The following IRAG2 variants were observed in gnomAD, a reference collection of about 807,000 sequenced individuals.
The protein encoded by IRAG2 is inositol 1,4,5-triphosphate receptor associated 2, also known as lymphoid restricted membrane protein.
Under a neutral mutation model 69.9 loss-of-function variants are expected in IRAG2, and 45 were observed. The ratio of observed to expected loss-of-function variants is 0.64; its 90% CI spans 0.51 to 0.83. The LOEUF is 0.83. Ranked by LOEUF, IRAG2 falls within the 40% of genes least tolerant of loss-of-function variation. The pLI is 0.00. For synonymous variants in IRAG2, 193 were observed against 202.4 expected (o/e 0.95, Z 0.40); for missense variants, 520 against 587.0 (o/e 0.89, Z 1.18).
intron 6 of IRAG2, among the ~76,000 whole-genome samples, chr12:25,020,586 C>A (rs1332099648): frequency 6.6e-6 from 1 of 152,186 alleles, no homozygotes; most frequent in Non-Finnish European, 1.5e-5. Flanking sequence ...TCCCCATAGT[C>A]TCCATTCCCC....
chr12:25,066,651 C>T (rs1252877055), intron 5 of IRAG2, 139 bp downstream of exon 5: 2 of 338,440 alleles, frequency 5.9e-6, no homozygotes, highest in Non-Finnish European at 1.1e-5. Flanking sequence ...TGAAAATTTA[C>T]AATTTCTTTC....
At chr12:25,010,905 C>G (rs572527021) in intron 2 of IRAG2, among the ~76,000 whole-genome samples, 4 of 152,208 alleles carry the variant, frequency 2.6e-5, no homozygotes, top group East Asian at 3.9e-4. Flanking sequence ...TCCTCCACCC[C>G]CTAAAAAGTA....
intron 3 of IRAG2, among the ~76,000 whole-genome samples, chr12:25,013,351 G>A (rs139244275): frequency 6.2e-4 from 95 of 152,204 alleles, no homozygotes; most frequent in African/African-American, 2.1e-3. Context: ...GGTGGCATGC[G>A]CCTGTAGTCC....
At chr12:25,034,742 C>T (rs997912989) in intron 13 of IRAG2, among the ~76,000 whole-genome samples, 1 of 152,212 alleles carries the variant, frequency 6.6e-6, no homozygotes, top group Non-Finnish European at 1.5e-5. Flanking sequence ...GCTGTGATGC[C>T]ACCTTGAAAG....
intron 8 of IRAG2, 48 bp downstream of exon 8, chr12:25,079,510 C>T (rs1565566204): frequency 1.3e-6 from 2 of 1,528,146 alleles, no homozygotes; most frequent in South Asian, 2.2e-5. Context: ...AGTATTACAG[C>T]TTTCAGCCTG....
rs1303346514 is a variant in IRAG2, at chr12:25,079,779, G to GT, written c.244+17dup. 6.6e-7 allele frequency: 1 copy of GT among 1,514,896 alleles called. No individual in the cohort carries two copies. The highest frequency in any genetic ancestry group is 2.3e-5 in the East Asian group (1 of 44,388). The allele number at this position is 1,514,896 out of a possible 1,614,324, so 93.8% of individuals were successfully genotyped here. ...GAGGCCCAAGGTAAAATGTTGACAG[G>GT]TGTAAGCATGATTTTAATTCTAAAA... is the stretch of plus-strand genomic sequence containing the variant. On this transcript the variant is annotated intron_variant, in intron 9 of 21. Coordinates refer to ENST00000556887, the MANE Select transcript of IRAG2 (RefSeq NM_001366544.2).
chr12:25,043,002 T>TA (rs61246525), intron 16 of IRAG2, among the ~76,000 whole-genome samples: 110,935 of 142,924 alleles, frequency 0.78, 44,285 homozygotes, highest in South Asian at 0.89. Context: ...TCTTTGAAAT[T>TA]AAAAAAAAAA....
At chr12:25,003,738 G>A (rs142636233), upstream of IRAG2, among the ~76,000 whole-genome samples, 790 of 152,132 alleles carry the variant, frequency 5.2e-3, 5 homozygotes, top group Middle Eastern at 0.02. Flanking sequence ...ATAAAAGGAG[G>A]ATATTTCCAC....
intron 2 of IRAG2, among the ~76,000 whole-genome samples, chr12:25,009,591 A>C (rs554303141): frequency 3.2e-4 from 49 of 152,322 alleles, no homozygotes; most frequent in Non-Finnish European, 6.0e-4. Flanking sequence ...AAAGAGACTT[A>C]TTATAAGGAA....
At chr12:25,043,002 TAAAAA>T (rs61246525) in intron 16 of IRAG2, among the ~76,000 whole-genome samples, 1 of 142,946 alleles carries the variant, frequency 7.0e-6, no homozygotes, top group Admixed American at 7.0e-5. Context: ...TCTTTGAAAT[TAAAAA>T]AAAAAAAAAG....
Position 25,108,282 on chromosome 12 carries a change from T to C in IRAG2, c.*222T>C. ...TTGAATGAGCTTTTTAAGGAAGAAA[T>C]ATTATATATTGTTTGTTAAAGTTTA... On this transcript the variant is annotated 3_prime_UTR_variant, in exon 22 of 22. Transcript: ENST00000556887. The C allele has an allele frequency of 1.8e-6, 1 of 557,170 alleles. No individual in the cohort carries two copies. The highest frequency in any genetic ancestry group is 3.1e-6 in the Non-Finnish European group (1 of 326,198). 34.5% of individuals were successfully genotyped at this position (557,170 alleles called of 1,614,324 possible). A position where few individuals can be genotyped will look rare whatever the true frequency, so the allele number is the denominator to read the frequency against.
intron 6 of IRAG2, chr12:25,020,753 A>C: frequency 1.0e-6 from 1 of 977,524 alleles, no homozygotes; most frequent in Non-Finnish European, 1.3e-6. Context: ...GTTATATTTG[A>C]GGTTTTGCTC....
chr12:25,086,729 T>A (rs1592056200), intron 10 of IRAG2, among the ~76,000 whole-genome samples: 1 of 152,272 alleles, frequency 6.6e-6, no homozygotes, highest in East Asian at 1.9e-4. Context: ...GATGTATAGA[T>A]AATTTTAGAT....
intron 6 of IRAG2, among the ~76,000 whole-genome samples, chr12:25,069,839 A>G (rs1331893372): frequency 2.0e-5 from 3 of 152,212 alleles, no homozygotes; most frequent in African/African-American, 7.2e-5. Flanking sequence ...ACCCTTTGTC[A>G]AAGACCACAA....
At chr12:25,072,840 A>G (rs1040631986) in intron 6 of IRAG2, among the ~76,000 whole-genome samples, 1 of 152,232 alleles carries the variant, frequency 6.6e-6, no homozygotes, top group Non-Finnish European at 1.5e-5. Flanking sequence ...CAGGTAGCCT[A>G]TATTGTCAGA....
chr12:25,073,621 G>A (rs1007145442), intron 6 of IRAG2, among the ~76,000 whole-genome samples: 1 of 152,158 alleles, frequency 6.6e-6, no homozygotes, highest in Non-Finnish European at 1.5e-5. Flanking sequence ...CGCTAACAAG[G>A]TTAATGTCTC....
chr12:25,086,350 G>A (rs1947607381), intron 10 of IRAG2, among the ~76,000 whole-genome samples: 1 of 152,176 alleles, frequency 6.6e-6, no homozygotes, highest in African/African-American at 2.4e-5. Context: ...CATGACAGTA[G>A]GGAAGGAGGA....
intron 17 of IRAG2, chr12:25,103,167 C>G (rs1228299998): frequency 6.6e-6 from 1 of 152,092 alleles, no homozygotes; most frequent in Admixed American, 6.5e-5. Context: ...AAAATTTATC[C>G]TGATGTACTT....
exon 6 of IRAG2, chr12:25,017,263 C>T (rs1944537737): frequency 2.4e-6 from 3 of 1,232,028 alleles, no homozygotes; most frequent in East Asian, 3.2e-5. Flanking sequence ...TATCAGAGGA[C>T]TGTACCGAAT....
Sources: gnomAD v4.1 joint callset for allele counts (sites outside exome capture counted in the v4.1 genomes callset) on GRCh38, gnomAD v4.1.1 for gene constraint, MANE v1.5 for transcripts, NCBI Gene and HGNC (gene_info 2026-07-23, HGNC 2026-07-21) for gene names.